The following ENAH variants were observed in gnomAD, a reference collection of about 807,000 sequenced individuals.
ENAH encodes ENAH actin regulator, also known as protein enabled homolog.
Under a neutral mutation model 78.7 loss-of-function variants are expected in ENAH, and 23 were observed. The ratio of observed to expected loss-of-function variants is 0.29; its 90% CI spans 0.21 to 0.41. ENAH has a LOEUF of 0.41. Among genes scored for constraint, ENAH ranks in the 10% least tolerant of loss-of-function variants. The pLI, the probability that ENAH is intolerant of heterozygous loss-of-function variation, is 1.00. For synonymous variants in ENAH, 226 were observed against 241.0 expected, an observed-to-expected ratio of 0.94 and a Z score of 0.58; for missense variants, 544 against 691.0, an observed-to-expected ratio of 0.79 and a Z score of 2.39.
At chr1:225,549,766 G>C (rs1383865218) in intron 3 of ENAH, among the ~76,000 whole-genome samples, 8 of 152,164 alleles carry the variant, frequency 5.3e-5, no homozygotes, top group Admixed American at 5.2e-4. Context: ...TAGAAAGCTA[G>C]AACACTGCCG....
chr1:225,517,792 C>A, intron 5 of ENAH: 1 of 1,551,154 alleles, frequency 6.4e-7, no homozygotes, highest in Non-Finnish European at 8.7e-7. Flanking sequence ...TGTTGCAAAA[C>A]GTGTCGCTGA....
intron 11 of ENAH, among the ~76,000 whole-genome samples, chr1:225,507,233 G>T (rs888983343): frequency 1.3e-5 from 2 of 151,916 alleles, no homozygotes; most frequent in Non-Finnish European, 2.9e-5. Context: ...ATGAGATAGG[G>T]AAATACATGT....
chr1:225,592,038 T>A (rs927929842), intron 1 of ENAH, among the ~76,000 whole-genome samples: 11 of 152,262 alleles, frequency 7.2e-5, no homozygotes, highest in African/African-American at 2.6e-4. Context: ...ACCTCATGGA[T>A]CTGTTGTGAG....
intron 3 of ENAH, among the ~76,000 whole-genome samples, chr1:225,554,588 A>C (rs995109584): frequency 1.3e-5 from 2 of 152,222 alleles, no homozygotes; most frequent in Non-Finnish European, 2.9e-5. Flanking sequence ...TCTGGGCTTC[A>C]TGTACTTGCA....
intron 1 of ENAH, among the ~76,000 whole-genome samples, chr1:225,581,987 G>A (rs1348662581): frequency 1.3e-4 from 20 of 151,982 alleles, no homozygotes; most frequent in Non-Finnish European, 1.5e-5. Context: ...GAAATGTATG[G>A]TTTGGATCTG....
At chr1:225,597,071 A>G (rs760156838) in intron 1 of ENAH, among the ~76,000 whole-genome samples, 2 of 152,122 alleles carry the variant, frequency 1.3e-5, no homozygotes, top group African/African-American at 2.4e-5. Flanking sequence ...AAGACAATAA[A>G]AGTCTTCAAG....
At chr1:225,635,733 C>G (rs899565883) in intron 1 of ENAH, among the ~76,000 whole-genome samples, 6 of 152,120 alleles carry the variant, frequency 3.9e-5, no homozygotes, top group Non-Finnish European at 5.9e-5. Context: ...ACCCCTTAAT[C>G]CAATATGGCT....
At position 225,516,176 on chromosome 1, in the gene ENAH, T is replaced by C. The variant is rs370491630; in HGVS notation, c.913+1020A>G. Among the ~76,000 whole-genome samples the C allele has an allele frequency of 7.2e-5, 11 of 152,304 alleles. No individual in the cohort carries two copies. In the South Asian group the frequency reaches 8.3e-4, roughly 11 times the overall value. On this transcript the variant is annotated intron_variant, in intron 6 of 13. Transcript: ENST00000366843. The stretch of plus-strand genomic sequence containing the variant: ...TTACATCCTGCCTTCCCTGTTACCA[T>C]AACAATAAGGTAGGGACGGGGAGAA...
At chr1:225,532,167 C>G (rs916749334) in intron 3 of ENAH, among the ~76,000 whole-genome samples, 2 of 152,050 alleles carry the variant, frequency 1.3e-5, no homozygotes, top group Non-Finnish European at 2.9e-5. Context: ...AAAACAGACT[C>G]TCCTATTAGG....
At chr1:225,592,415 A>G (rs1210414523) in intron 1 of ENAH, among the ~76,000 whole-genome samples, 1 of 152,058 alleles carries the variant, frequency 6.6e-6, no homozygotes, top group Non-Finnish European at 1.5e-5. Flanking sequence ...GGCTCTCTTC[A>G]TTTTTACTCT....
chr1:225,653,769 GC>G (rs1326627563), upstream of ENAH, among the ~76,000 whole-genome samples: 1 of 152,244 alleles, frequency 6.6e-6, no homozygotes, highest in Non-Finnish European at 1.5e-5. The surrounding 1 kb of genome is among the most constrained non-coding windows in gnomAD (Gnocchi z 4.3). Context: ...CAGCCCAACT[GC>G]CCGCCCTCGC....
rs1171563960 is a variant in ENAH at position 225,491,107 on chromosome 1, GA to G, written c.*6667del. On this transcript the variant is annotated 3_prime_UTR_variant, in exon 14 of 14. Transcript: ENST00000366843. ...CCTGAGATCAACTGGTAGTAATAAT[GA>G]AAAGCTGGTATTTCTCACATAAAAC... 1 of 152,160 alleles carries G rather than the reference GA, an allele frequency of 6.6e-6. No individual in the cohort carries two copies. Among genetic ancestry groups the G allele is most frequent in the Non-Finnish European group, 1.5e-5 (1 of 68,004 alleles). The allele number at this position is 152,160 out of a possible 1,614,324, so 9.4% of individuals were successfully genotyped here.
At chr1:225,507,346 A>T (rs2096340502) in intron 11 of ENAH, among the ~76,000 whole-genome samples, 1 of 151,982 alleles carries the variant, frequency 6.6e-6, no homozygotes, top group Non-Finnish European at 1.5e-5. Flanking sequence ...TATATACATA[A>T]ATATATATAC....
rs895385640 is a variant in ENAH at position 225,488,186 on chromosome 1, A to T, written c.*9589T>A. Reference sequence around the variant, plus strand: ...TTATTTATTTATTTATTTATTATTTATTTATTTATTTTTTAAGGAGACAGG... The same window carrying T: ...TTATTTATTTATTTATTTATTATTTTTTTATTTATTTTTTAAGGAGACAGG... On this transcript the variant is annotated 3_prime_UTR_variant, in exon 14 of 14. Transcript: ENST00000366843. The T allele has an allele frequency of 2.6e-5, 4 of 151,848 alleles. No individual in the cohort carries two copies. The highest frequency in any genetic ancestry group is 9.7e-5 in the African/African-American group (4 of 41,370). 9.4% of individuals were successfully genotyped at this position (151,848 alleles called of 1,614,324 possible).
At chr1:225,510,456 A>G (rs775504543) in intron 10 of ENAH, among the ~76,000 whole-genome samples, 13 of 152,176 alleles carry the variant, frequency 8.5e-5, no homozygotes, top group Non-Finnish European at 1.3e-4. Flanking sequence ...TAATGAGAGT[A>G]CATACAATTA....
chr1:225,639,235 G>A (rs149188560), intron 1 of ENAH, among the ~76,000 whole-genome samples: 14 of 152,264 alleles, frequency 9.2e-5, no homozygotes, highest in African/African-American at 2.9e-4. Flanking sequence ...GCCTAAGTGT[G>A]TTCTATATCC....
intron 1 of ENAH, among the ~76,000 whole-genome samples, chr1:225,629,627 A>C (rs1658631517): frequency 6.6e-6 from 1 of 152,118 alleles, no homozygotes; most frequent in Non-Finnish European, 1.5e-5. Context: ...AAAAAAATCA[A>C]AGGAAAGTAA....
chr1:225,515,001 T>A, intron 6 of ENAH, 101 bp from the exon 7 acceptor site: 1 of 961,950 alleles, frequency 1.0e-6, no homozygotes, highest in Non-Finnish European at 1.6e-6. Flanking sequence ...TTAAACTGAC[T>A]CATGTATTTA....
intron 1 of ENAH, among the ~76,000 whole-genome samples, chr1:225,591,790 A>AG (rs1553451169): frequency 9.5e-5 from 14 of 147,138 alleles, no homozygotes; most frequent in Admixed American, 2.7e-4. Context: ...AAAAAAAAAA[A>AG]GGGCTTCAAA....
Sources: gnomAD v4.1 joint callset for allele counts (sites outside exome capture counted in the v4.1 genomes callset) on GRCh38, gnomAD v4.1.1 for gene constraint, Gnocchi (gnomAD v3.1) non-coding constraint, MANE v1.5 for transcripts, NCBI Gene and HGNC (gene_info 2026-07-23, HGNC 2026-07-21) for gene names.